Variants in DTNA observed in about 807,000 individuals in gnomAD.
The protein encoded by DTNA is dystrobrevin alpha, also known as dystrophin-related protein 3.
DTNA carries 43 observed loss-of-function variants against 100.7 expected under a neutral mutation model. The observed-to-expected ratio is 0.43, with a 90% CI of 0.33 to 0.55. DTNA has a LOEUF of 0.55. Ranked by LOEUF, DTNA falls within the 20% of genes least tolerant of loss-of-function variation. DTNA has a pLI of 0.04. For missense variants in DTNA, 798 were observed against 953.9 expected, an observed-to-expected ratio of 0.84 and a Z score of 2.15; for synonymous variants, 349 against 347.9, an observed-to-expected ratio of 1.00 and a Z score of -0.04.
At chr18:34,502,248 T>C (rs1444604147) in intron 1 of DTNA, among the ~76,000 whole-genome samples, 1 of 152,232 alleles carries the variant, frequency 6.6e-6, no homozygotes, top group Non-Finnish European at 1.5e-5. Flanking sequence ...TACTAATTTA[T>C]GTCTTCTCTC....
At chr18:34,648,735 A>G (rs2060126211) in intron 1 of DTNA, among the ~76,000 whole-genome samples, 2 of 152,228 alleles carry the variant, frequency 1.3e-5, no homozygotes, top group African/African-American at 2.4e-5. Flanking sequence ...AGGCTAGATT[A>G]CTGGGATTCT....
At chr18:34,853,622 C>T (rs1409107109) in intron 15 of DTNA, among the ~76,000 whole-genome samples, 3 of 151,838 alleles carry the variant, frequency 2.0e-5, no homozygotes, top group Admixed American at 1.3e-4. Context: ...ACTCTGACCC[C>T]CAGGGAGATG....
At chr18:34,634,020 T>G (rs1309715497) in intron 1 of DTNA, among the ~76,000 whole-genome samples, 1 of 152,170 alleles carries the variant, frequency 6.6e-6, no homozygotes, top group East Asian at 1.9e-4. Flanking sequence ...ACAGATGTGC[T>G]TCCTCAAGCC....
intron 3 of DTNA, among the ~76,000 whole-genome samples, chr18:34,766,827 T>C (rs1156883119): frequency 6.6e-6 from 1 of 152,200 alleles, no homozygotes; most frequent in Non-Finnish European, 1.5e-5. Flanking sequence ...CAAAATTAGC[T>C]CTTTGTGTCA....
At chr18:34,568,431 G>A (rs924574181) in intron 1 of DTNA, among the ~76,000 whole-genome samples, 1 of 151,982 alleles carries the variant, frequency 6.6e-6, no homozygotes, top group Non-Finnish European at 1.5e-5. Flanking sequence ...TCTGTTCAGG[G>A]TTTATCTCAT....
chr18:34,781,532 T>C (rs886122426), intron 3 of DTNA, among the ~76,000 whole-genome samples: 2 of 152,168 alleles, frequency 1.3e-5, no homozygotes, highest in African/African-American at 4.8e-5. Flanking sequence ...CTCCTCATGT[T>C]CTTTATACTA....
chr18:34,628,711 T>C (rs1226119934), intron 1 of DTNA, among the ~76,000 whole-genome samples: 1 of 152,218 alleles, frequency 6.6e-6, no homozygotes, highest in African/African-American at 2.4e-5. Flanking sequence ...GAAAGATGTA[T>C]GTGTGAAGTA....
chr18:34,660,667 A>C (rs2075060575), intron 1 of DTNA, among the ~76,000 whole-genome samples: 1 of 152,114 alleles, frequency 6.6e-6, no homozygotes, highest in Admixed American at 6.6e-5. Flanking sequence ...TGGAGACTTC[A>C]TCTGCATAAT....
chr18:34,704,411 A>C (rs1026947208), intron 1 of DTNA, among the ~76,000 whole-genome samples: 3 of 152,218 alleles, frequency 2.0e-5, no homozygotes, highest in Non-Finnish European at 4.4e-5. Context: ...CAAGTCCCTG[A>C]ATACAAAGTA....
At chr18:34,876,003 C>T (rs949064970) in intron 18 of DTNA, among the ~76,000 whole-genome samples, 1 of 152,234 alleles carries the variant, frequency 6.6e-6, no homozygotes, top group Non-Finnish European at 1.5e-5. Flanking sequence ...CTTTTTAAAA[C>T]CTCTTCTTAC....
intron 6 of DTNA, 179 bp from the exon 7 acceptor site, chr18:34,815,730 G>T: frequency 3.3e-6 from 2 of 604,456 alleles, no homozygotes; most frequent in Admixed American, 5.2e-5. Context: ...GGTATAAAAA[G>T]CAAACGATGT....
At chr18:34,611,026 A>T (rs896043608) in intron 1 of DTNA, among the ~76,000 whole-genome samples, 1 of 152,244 alleles carries the variant, frequency 6.6e-6, no homozygotes, top group African/African-American at 2.4e-5. Context: ...TAAGACAGAA[A>T]CATTAATTGC....
intron 1 of DTNA, among the ~76,000 whole-genome samples, chr18:34,531,955 C>T (rs2043180065): frequency 6.6e-6 from 1 of 152,116 alleles, no homozygotes; most frequent in Non-Finnish European, 1.5e-5. Flanking sequence ...GAATAGAAGG[C>T]CTTTCAGGGA....
At chr18:34,741,437 A>C (rs1283526626) in intron 1 of DTNA, among the ~76,000 whole-genome samples, 5 of 152,196 alleles carry the variant, frequency 3.3e-5, no homozygotes, top group African/African-American at 1.2e-4. Flanking sequence ...AAATTTGTTC[A>C]TATTAATTAA....
Position 34,794,113 on chromosome 18 carries a change from A to G in DTNA, c.225A>G (p.Glu75=). The G allele has an allele frequency of 1.9e-6, 3 of 1,613,998 alleles. No homozygotes were observed. Among genetic ancestry groups the G allele is most frequent in the Middle Eastern group, 3.3e-4 (2 of 6,058 alleles). Reference sequence around the variant, plus strand: ...TGAACAACCTGGACCCAAACACTGAACTCAACGTGTCCCGCTTAGAGGCTG... The same window carrying G: ...TGAACAACCTGGACCCAAACACTGAGCTCAACGTGTCCCGCTTAGAGGCTG... ...NALNNLDPNT[E]LNVSRLEAVL... Residue 75 remains glutamate, a synonymous_variant, in exon 4 of 23, where the codon GAA becomes GAG. Coordinates refer to ENST00000444659, the MANE Select transcript of DTNA (RefSeq NM_001386795.1).
chr18:34,867,425 A>C (rs2096717427), intron 17 of DTNA: 1 of 1,226,878 alleles, frequency 8.2e-7, no homozygotes, highest in South Asian at 4.3e-5. Flanking sequence ...GACACATAAC[A>C]CATACAGCCT....
chr18:34,755,659 A>T, intron 1 of DTNA: 1 of 325,012 alleles, frequency 3.1e-6, no homozygotes, highest in Non-Finnish European at 5.9e-6. Flanking sequence ...GAGAAACTGA[A>T]TGGGAAACGA....
chr18:34,575,397 A>G (rs905689364), intron 1 of DTNA, among the ~76,000 whole-genome samples: 2 of 152,160 alleles, frequency 1.3e-5, no homozygotes, highest in African/African-American at 2.4e-5. Flanking sequence ...CTCTCTTACT[A>G]TATCCAACAC....
intron 2 of DTNA, among the ~76,000 whole-genome samples, chr18:34,760,728 A>T (rs2093096722): frequency 6.6e-6 from 1 of 152,138 alleles, no homozygotes; most frequent in Non-Finnish European, 1.5e-5. Context: ...CCTGTTCCCA[A>T]GTTTGTGCCT....
Sources: allele counts gnomAD v4.1 joint callset (sites outside exome capture counted in the v4.1 genomes callset), GRCh38; gene constraint gnomAD v4.1.1; transcripts MANE v1.5; gene names NCBI Gene and HGNC (gene_info 2026-07-23, HGNC 2026-07-21).